DNAH10: variants seen among roughly 807,000 people sequenced by gnomAD.
The protein encoded by DNAH10 is dynein axonemal heavy chain 10.
A neutral mutation model predicts 506.6 loss-of-function variants in DNAH10; 348 were observed. The ratio of observed to expected loss-of-function variants is 0.69; its 90% CI spans 0.63 to 0.75. The LOEUF is 0.75. Ranked by LOEUF, DNAH10 falls within the 30% of genes least tolerant of loss-of-function variation. The probability of loss-of-function intolerance (pLI) is 0.00; values close to 1 mark genes in which losing one functional copy is unlikely to be tolerated. For synonymous variants in DNAH10, 2,059 were observed against 2,198.6 expected (o/e 0.94, Z 1.78); for missense variants, 5,179 against 5,787.1 (o/e 0.89, Z 3.41).
intron 45 of DNAH10, among the ~76,000 whole-genome samples, chr12:123,872,753 G>C (rs1414688978): frequency 6.6e-6 from 1 of 152,122 alleles, no homozygotes; most frequent in African/African-American, 2.4e-5. Flanking sequence ...CAAGGCTGCA[G>C]TGAGCTATGA....
rs373505946 is a variant in DNAH10 at position 123,931,743 on chromosome 12, C to G, written c.13024C>G (p.Leu4342Val). 6.2e-7 allele frequency: 1 copy of G among 1,614,040 alleles called. No homozygotes were observed. ...VFDLDQVRKR[L>V]GTGLSPTSVV... ...TGACTTGGACCAGGTGAGGAAGCGC[C>G]TCGGAACAGGACTCTCCCCCACTTC... The change falls in exon 75 of 79, where the codon CTC becomes GTC. Residue 4342 changes from leucine to valine, a missense_variant. By Grantham distance (32) the Leu-to-Val change is conservative. Around this residue, in one of 3 missense-constraint regions of DNAH10, gnomAD observed 4,844 missense variants for 5,430.5 expected, o/e 0.89. Transcript: ENST00000673944.
At chr12:123,778,123 AACCC>A (rs1565891552) in intron 5 of DNAH10, among the ~76,000 whole-genome samples, 1 of 152,050 alleles carries the variant, frequency 6.6e-6, no homozygotes, top group Non-Finnish European at 1.5e-5. Context: ...GGATCGCTTG[AACCC>A]AGGAGTTTAA....
At chr12:123,786,062 G>A (rs1282962363) in intron 9 of DNAH10, 126 bp downstream of exon 9, 1 of 1,126,128 alleles carries the variant, frequency 8.9e-7, no homozygotes, top group African/African-American at 1.6e-5. Context: ...CAATTCACTG[G>A]CTCTTATGGC....
intron 49 of DNAH10, 40 bp downstream of exon 49, chr12:123,879,397 A>G (rs780452982): frequency 3.3e-5 from 51 of 1,543,340 alleles, no homozygotes; most frequent in South Asian, 1.3e-4. Context: ...AATTCTTCTC[A>G]GGAAAATAAA....
In DNAH10 at chr12:123,893,278, T is replaced by G. The variant is rs752465131; in HGVS notation, c.9041T>G (p.Leu3014Arg). The change falls in exon 53 of 79, where the codon CTG becomes CGG. Residue 3014 changes from leucine (L) to arginine (R), a missense_variant. Transcript: ENST00000673944. The stretch of plus-strand genomic sequence containing the variant: ...TCTGAAGAGGAGAAAGAGTCTATCC[T>G]GAGTCAGATTGGACAGGAAGCTCTG... ...LFSEEEKESI[L>R]SQIGQEALKQ... The G allele has an allele frequency of 2.5e-6, 4 of 1,613,936 alleles. No homozygotes were observed. Among genetic ancestry groups the G allele is most frequent in the African/African-American group, 1.3e-5 (1 of 74,954 alleles).
At chr12:123,790,911 AC>A (rs1467951421) in intron 11 of DNAH10, among the ~76,000 whole-genome samples, 1 of 152,014 alleles carries the variant, frequency 6.6e-6, no homozygotes, top group Non-Finnish European at 1.5e-5. Context: ...GACTGCTTGA[AC>A]CCAGGAGTTT....
In DNAH10 at chr12:123,932,122, C is replaced by T. The variant is rs554736816; in HGVS notation, c.13296+14C>T. The stretch of plus-strand genomic sequence containing the variant: ...TACATGTTGTGGGTAAGTGGCACGT[C>T]ACCGCCTCCTCTCTGCCGATTCAGG... On this transcript the variant is annotated intron_variant, in intron 76 of 78. Transcript: ENST00000673944. The T allele has an allele frequency of 5.2e-5, 84 of 1,612,702 alleles. No individual in the cohort carries two copies. In the East Asian group the frequency reaches 1.7e-3, roughly 33 times the overall value.
intron 51 of DNAH10, among the ~76,000 whole-genome samples, chr12:123,885,432 G>C (rs1318997761): frequency 6.6e-6 from 1 of 152,154 alleles, no homozygotes; most frequent in Non-Finnish European, 1.5e-5. Flanking sequence ...ACAGTGCAGT[G>C]ATGAACACCT....
At chr12:123,774,322 G>A in intron 5 of DNAH10, 58 bp downstream of exon 5, 1 of 1,346,666 alleles carries the variant, frequency 7.4e-7, no homozygotes, top group Non-Finnish European at 1.0e-6. Flanking sequence ...CATGTGGTTT[G>A]TTTATTCCAC....
chr12:123,924,130 G>A (rs971675040), intron 66 of DNAH10, 148 bp from the exon 67 acceptor site: 14 of 1,093,584 alleles, frequency 1.3e-5, no homozygotes, highest in Admixed American at 2.9e-5. Flanking sequence ...TGTCACTGGC[G>A]GTGACGAGGG....
chr12:123,853,414 A>G lies in DNAH10; in HGVS notation c.6438+62A>G. 1 of 1,557,606 alleles carries G rather than the reference A, an allele frequency of 6.4e-7. No individual in the cohort carries two copies. Among genetic ancestry groups the G allele is most frequent in the South Asian group, 1.2e-5 (1 of 83,000 alleles). On this transcript the variant is annotated intron_variant, in intron 36 of 78. Transcript: ENST00000673944. The surrounding 1 kb of genome is among the most constrained non-coding windows in gnomAD (Gnocchi z 4.7). ...CTGCTTCAGGCATTTACTACGTGCCATTGGGGAGGTGATGGGCACAGTATG... is the reference window on the plus strand; with the variant it reads ...CTGCTTCAGGCATTTACTACGTGCCGTTGGGGAGGTGATGGGCACAGTATG...
At chr12:123,884,429 G>A (rs149883470) in intron 51 of DNAH10, among the ~76,000 whole-genome samples, 256 of 152,286 alleles carry the variant, frequency 1.7e-3, no homozygotes, top group African/African-American at 5.2e-3. Flanking sequence ...GCAGGTGTTC[G>A]TTTCTCACCA....
At chr12:123,878,267 T>C (rs1952349688) in intron 48 of DNAH10, among the ~76,000 whole-genome samples, 1 of 152,164 alleles carries the variant, frequency 6.6e-6, no homozygotes, top group African/African-American at 2.4e-5. Context: ...TGTGTGTCTT[T>C]ATGAGAAGTA....
chr12:123,918,847 A>G lies in DNAH10; in HGVS notation c.11404A>G (p.Arg3802Gly), dbSNP rs773066193. ...CCTGATTGCCTTCTTAGAGGTCTTC[A>G]GGCTGTCACTGAAGAAGTCGCTGCC... ...YSLIAFLEVF[R>G]LSLKKSLPDS... The change falls in exon 65 of 79, where the codon AGG (arginine) becomes GGG (glycine). Residue 3802 changes from arginine (R) to glycine (G), a missense_variant. By Grantham distance (125) the Arg-to-Gly change is moderately radical. This residue lies in a region of DNAH10 where 4,844 missense variants were observed against 5,430.5 expected (regional missense o/e 0.89). Transcript: ENST00000673944. 12 of 1,613,938 alleles carry G rather than the reference A, an allele frequency of 7.4e-6. No individual in the cohort carries two copies. The Admixed American group carries it at 2.0e-4, about 27-fold the overall frequency.
At chr12:123,924,159 T>C (rs1954840947) in intron 66 of DNAH10, 119 bp from the exon 67 acceptor site, 1 of 1,360,738 alleles carries the variant, frequency 7.3e-7, no homozygotes, top group East Asian at 2.5e-5. Flanking sequence ...GGCCACTTCC[T>C]GTTTCCAGTC....
At position 123,820,596 on chromosome 12, in the gene DNAH10, T is replaced by C; in HGVS notation, c.4017T>C (p.Gly1339=). ...ATTTACTAGGAGTAGAGCTTTTAGG[T>C]GTTTATGAAAGAGAGCTGGCAAGAC... ...DDLDKGVELL[G]VYERELARHE... Residue 1339 remains glycine, a synonymous_variant, in exon 24 of 79, where the codon GGT becomes GGC. Transcript: ENST00000673944. The C allele has an allele frequency of 6.2e-7, 1 of 1,613,872 alleles. No individual in the cohort carries two copies. Among genetic ancestry groups the C allele is most frequent in the Non-Finnish European group, 8.5e-7 (1 of 1,179,882 alleles).
chr12:123,791,688 C>A (rs554635146), intron 11 of DNAH10, among the ~76,000 whole-genome samples: 1 of 151,960 alleles, frequency 6.6e-6, no homozygotes, highest in South Asian at 2.1e-4. Context: ...GTGATCCTTC[C>A]GCCTCAGCCT....
At chr12:123,934,434 G>A in intron 77 of DNAH10, 187 bp from the exon 78 acceptor site, 1 of 751,746 alleles carries the variant, frequency 1.3e-6, no homozygotes, top group Admixed American at 2.0e-5. Flanking sequence ...CTCCTGTCTG[G>A]GCTGCTCCTC....
chr12:123,789,116 C>T (rs1377059880), intron 10 of DNAH10, among the ~76,000 whole-genome samples: 2 of 151,544 alleles, frequency 1.3e-5, no homozygotes, highest in Non-Finnish European at 1.5e-5. Flanking sequence ...GGCGTGGTGG[C>T]GGGCGCCTGT....
Sources: gnomAD v4.1 joint callset for allele counts (sites outside exome capture counted in the v4.1 genomes callset) on GRCh38, gnomAD v4.1.1 for gene constraint, gnomAD v4.1.1 regional missense constraint, Gnocchi (gnomAD v3.1) non-coding constraint, MANE v1.5 for transcripts, NCBI Gene and HGNC (gene_info 2026-07-23, HGNC 2026-07-21) for gene names.